CFAP77: variants seen among roughly 807,000 people sequenced by gnomAD.
CFAP77 encodes the protein cilia and flagella associated protein 77, also known as cilia- and flagella-associated protein 77.
In CFAP77, 25 loss-of-function variants were observed where a neutral mutation model predicts 31.1. The observed-to-expected ratio is 0.80, with a 90% CI of 0.59 to 1.12. CFAP77 has a LOEUF of 1.12. Ranked by LOEUF, CFAP77 falls within the 50% of genes most tolerant of loss-of-function variation. The pLI is 0.00. For synonymous variants in CFAP77, 151 were observed against 159.9 expected (o/e 0.94, Z 0.42); for missense variants, 377 against 397.3 (o/e 0.95, Z 0.44).
At chr9:132,540,676 T>C (rs1481877208) in intron 4 of CFAP77, among the ~76,000 whole-genome samples, 2 of 152,170 alleles carry the variant, frequency 1.3e-5, no homozygotes, top group African/African-American at 2.4e-5. Flanking sequence ...AAGAAGGGGA[T>C]AGTTGTGGAG....
rs140785808 is a variant in CFAP77, at chr9:132,541,859, G to A, written c.631-1087G>A. ...AAACTCGGTTCAGTCTTTATTTGCC[G>A]ATTGTGCTGTCTGTGTGCTTCACAC... On this transcript the variant is annotated intron_variant, in intron 4 of 5. Transcript: ENST00000393216. Among the ~76,000 whole-genome samples the A allele has an allele frequency of 7.0e-3, 1,060 of 152,312 alleles. 14 individuals carry two copies. Among genetic ancestry groups the A allele is most frequent in the African/African-American group, 0.024 (990 of 41,560 alleles).
intron 1 of CFAP77, among the ~76,000 whole-genome samples, chr9:132,441,646 C>T (rs1850617482): frequency 6.6e-6 from 1 of 152,232 alleles, no homozygotes; most frequent in African/African-American, 2.4e-5. Context: ...TTACCTTAAT[C>T]ATCCTCCTCA....
chr9:132,439,870 A>AG (rs1850586803), intron 1 of CFAP77, among the ~76,000 whole-genome samples: 1 of 150,992 alleles, frequency 6.6e-6, no homozygotes, highest in Non-Finnish European at 1.5e-5. Context: ...AAAAAAAAAA[A>AG]GATGCTCTAA....
At chr9:132,411,890 C>T (rs1341940553) in intron 1 of CFAP77, among the ~76,000 whole-genome samples, 4 of 148,046 alleles carry the variant, frequency 2.7e-5, no homozygotes, top group East Asian at 1.9e-4. Flanking sequence ...CACACACACA[C>T]ATACATGCAT....
At chr9:132,419,496 G>A (rs891514804) in intron 1 of CFAP77, among the ~76,000 whole-genome samples, 2 of 152,168 alleles carry the variant, frequency 1.3e-5, no homozygotes, top group South Asian at 2.1e-4. Flanking sequence ...GTGATCTTTC[G>A]GCCACAGCAT....
chr9:132,533,464 T>TGCCTCTTCC (rs879697720), intron 3 of CFAP77, among the ~76,000 whole-genome samples: 2,708 of 152,344 alleles, frequency 0.018, 85 homozygotes, highest in African/African-American at 0.062. Context: ...CCCAGGGCTC[T>TGCCTCTTCC]AGCCGAGGAC....
At chr9:132,473,048 C>A (rs556903564) in intron 1 of CFAP77, among the ~76,000 whole-genome samples, 1 of 152,118 alleles carries the variant, frequency 6.6e-6, no homozygotes, top group South Asian at 2.1e-4. Context: ...CCACTCACAG[C>A]GGGAAGCAAA....
chr9:132,410,283 C>G lies in CFAP77; in HGVS notation c.12C>G (p.Ala4=), dbSNP rs559748494. Residue 4 remains alanine (A), a synonymous_variant, in exon 1 of 6, where the codon GCC becomes GCG. Coordinates refer to ENST00000393216, the MANE Select transcript of CFAP77 (RefSeq NM_001282957.2). The part of the protein sequence containing the change: MPE[A]RSSGPDLTRW... ...CGGCGACCTCAAGGATGCCAGAGGC[C>G]AGGAGCTCCGGCCCGGACCTCACGC... 4 of 1,578,430 alleles carry G rather than the reference C, an allele frequency of 2.5e-6. No homozygotes were observed. The South Asian group carries it at 4.6e-5, about 18-fold the overall frequency.
At chr9:132,509,519 G>A (rs551763911) in intron 3 of CFAP77, among the ~76,000 whole-genome samples, 8 of 152,272 alleles carry the variant, frequency 5.3e-5, no homozygotes, top group South Asian at 2.1e-4. Flanking sequence ...CTGTAATCCC[G>A]TCACTTTGGG....
intron 1 of CFAP77, among the ~76,000 whole-genome samples, chr9:132,425,885 C>CT (rs1464798271): frequency 1.8e-4 from 27 of 152,288 alleles, no homozygotes; most frequent in African/African-American, 6.5e-4. Flanking sequence ...AATGAAGAGC[C>CT]TTGTCACTCA....
chr9:132,411,888 CACAT>C lies in CFAP77; in HGVS notation c.195+1427_195+1430del, dbSNP rs368347824. On this transcript the variant is annotated intron_variant, in intron 1 of 5. Transcript: ENST00000393216. ...ACACACACACACACACACACACACA[CACAT>C]ACATGCATATGCATTTGTGTATGCA... Among the ~76,000 whole-genome samples the C allele has an allele frequency of 4.2e-3, 551 of 130,412 alleles. 3 individuals carry two copies. The highest frequency in any genetic ancestry group is 0.019 in the Middle Eastern group (5 of 260). The allele number at this position is 130,412 out of a possible 152,430, so 85.6% of individuals were successfully genotyped here.
intron 3 of CFAP77, among the ~76,000 whole-genome samples, chr9:132,519,290 G>A (rs1852204763): frequency 1.3e-5 from 2 of 149,904 alleles, no homozygotes; most frequent in African/African-American, 2.5e-5. Context: ...ATGGATGGGT[G>A]GATGGATGAA....
chr9:132,476,813 T>C (rs935337836), intron 1 of CFAP77, among the ~76,000 whole-genome samples: 1 of 150,930 alleles, frequency 6.6e-6, no homozygotes, highest in African/African-American at 2.4e-5. Flanking sequence ...CTGGAATGAG[T>C]CCCCCCTCGG....
Position 132,573,129 on chromosome 9 carries a change from G to A in CFAP77, c.*619G>A, listed in dbSNP as rs1829986023. ...CAAGTTGGACTCCTCCCCCAGGACT[G>A]ACTTTGGAAGGTCAACCCACTCTGG... On this transcript the variant is annotated 3_prime_UTR_variant, in exon 6 of 6. Transcript: ENST00000393216. 6.6e-6 allele frequency: 1 copy of A among 152,324 alleles called. No individual in the cohort carries two copies. Among genetic ancestry groups the A allele is most frequent in the Non-Finnish European group, 1.5e-5 (1 of 68,170 alleles). 9.4% of individuals were successfully genotyped at this position (152,324 alleles called of 1,614,324 possible).
chr9:132,552,030 A>C lies in CFAP77; in HGVS notation c.732+8983A>C, dbSNP rs1162797189. Among the ~76,000 whole-genome samples, 1 of 152,240 alleles carries C rather than the reference A, an allele frequency of 6.6e-6. No homozygotes were observed. The highest frequency in any genetic ancestry group is 1.5e-5 in the Non-Finnish European group (1 of 68,036). ...AAACCTCGGGCATCTTTTAAATTGC[A>C]GTTTGGCCCCAAGGCTAAAAAGGAA... On this transcript the variant is annotated intron_variant, in intron 5 of 5. Coordinates refer to ENST00000393216, the MANE Select transcript of CFAP77 (RefSeq NM_001282957.2). This position sits in a 1 kb window ranked among gnomAD's most constrained non-coding sequence, Gnocchi z 5.5.
chr9:132,515,007 G>C (rs890694580), intron 3 of CFAP77, among the ~76,000 whole-genome samples: 1 of 152,202 alleles, frequency 6.6e-6, no homozygotes, highest in Admixed American at 6.5e-5. Context: ...AGTGCCGGGG[G>C]CCAGCAAGTG....
intron 5 of CFAP77, among the ~76,000 whole-genome samples, chr9:132,548,780 C>T (rs1852777805): frequency 7.0e-6 from 1 of 143,360 alleles, no homozygotes; most frequent in Non-Finnish European, 1.5e-5. Flanking sequence ...ACCAACATTA[C>T]ATAGTCGTTC....
rs1589890235 is a variant in CFAP77 at position 132,501,581 on chromosome 9, A to G, written c.524+1981A>G. ...ACACGCCTGGCCAATTTTTGTATTTATAGTAGAGACGGGGTTTCACCATGT... is the reference window on the plus strand; with the variant it reads ...ACACGCCTGGCCAATTTTTGTATTTGTAGTAGAGACGGGGTTTCACCATGT... On this transcript the variant is annotated intron_variant, in intron 3 of 5. Transcript: ENST00000393216. This position sits in a 1 kb window ranked among gnomAD's most constrained non-coding sequence, Gnocchi z 4.6. 2.0e-5 allele frequency among the ~76,000 whole-genome samples: 3 copies of G among 151,848 alleles called. No homozygotes were observed. Among genetic ancestry groups the G allele is most frequent in the African/African-American group, 7.3e-5 (3 of 41,342 alleles).
intron 5 of CFAP77, among the ~76,000 whole-genome samples, chr9:132,566,181 G>C (rs1404510939): frequency 6.6e-6 from 1 of 152,072 alleles, no homozygotes; most frequent in Non-Finnish European, 1.5e-5. Context: ...AGAGGGGGGA[G>C]CGTGCATGTG....
Sources: allele counts gnomAD v4.1 joint callset (sites outside exome capture counted in the v4.1 genomes callset), GRCh38; gene constraint gnomAD v4.1.1; non-coding constraint Gnocchi (gnomAD v3.1); transcripts MANE v1.5; gene names NCBI Gene and HGNC (gene_info 2026-07-23, HGNC 2026-07-21).